The following CNTNAP5 variants were observed in gnomAD, a reference collection of about 807,000 sequenced individuals.
CNTNAP5 encodes contactin-associated protein-like 5.
Under a neutral mutation model 150.2 loss-of-function variants are expected in CNTNAP5, and 72 were observed. That is an observed-to-expected ratio of 0.48 (90% confidence interval 0.40 to 0.58). The LOEUF (loss-of-function observed/expected upper bound fraction) is 0.58, where lower values mean the gene tolerates loss of function less well. Among genes scored for constraint, CNTNAP5 ranks in the 20% least tolerant of loss-of-function variants. The pLI is 0.00. For synonymous variants in CNTNAP5, 672 were observed against 619.8 expected (o/e 1.08, Z -1.25); for missense variants, 1,636 against 1,626.2 (o/e 1.01, Z -0.10).
At chr2:124,477,297 C>A (rs1388846686) in intron 7 of CNTNAP5, among the ~76,000 whole-genome samples, 2 of 151,896 alleles carry the variant, frequency 1.3e-5, no homozygotes, top group African/African-American at 4.8e-5. Context: ...TTGTTTTATT[C>A]TTTGATAAAT....
At chr2:124,747,701 C>A (rs1421730388) in intron 14 of CNTNAP5, among the ~76,000 whole-genome samples, 1 of 144,832 alleles carries the variant, frequency 6.9e-6, no homozygotes, top group Non-Finnish European at 1.5e-5. Flanking sequence ...CTCACTGCAA[C>A]CTCCGCCTGC....
At chr2:124,607,014 G>T (rs567076712) in intron 11 of CNTNAP5, among the ~76,000 whole-genome samples, 101 of 152,274 alleles carry the variant, frequency 6.6e-4, no homozygotes, top group African/African-American at 1.3e-3. Flanking sequence ...CACTTTCTAT[G>T]TGCCATATGT....
At chr2:124,131,286 G>A (rs139738632) in intron 1 of CNTNAP5, among the ~76,000 whole-genome samples, 199 of 152,230 alleles carry the variant, frequency 1.3e-3, no homozygotes, top group Non-Finnish European at 2.3e-3. Flanking sequence ...CCATGCCCTC[G>A]TTAAGATCAC....
intron 3 of CNTNAP5, among the ~76,000 whole-genome samples, chr2:124,346,176 T>G (rs1689733279): frequency 6.6e-6 from 1 of 152,080 alleles, no homozygotes; most frequent in Non-Finnish European, 1.5e-5. Context: ...TCCAAGACGT[T>G]TTCTGGGCAG....
chr2:124,196,065 T>C lies in CNTNAP5; in HGVS notation c.83-25640T>C, dbSNP rs1685574853. On this transcript the variant is annotated intron_variant, in intron 1 of 23. Coordinates refer to ENST00000682447, the MANE Select transcript of CNTNAP5 (RefSeq NM_001367498.1). ...AAAATAAATGATACCAGGTAAAAAA[T>C]AGCAGTTTTTTTTTTCTTGATCAGG... 2.1e-5 allele frequency among the ~76,000 whole-genome samples: 3 copies of C among 146,046 alleles called. No individual in the cohort carries two copies. The South Asian group carries it at 6.4e-4, about 31-fold the overall frequency.
At chr2:124,403,106 TC>T (rs2104760554) in intron 3 of CNTNAP5, among the ~76,000 whole-genome samples, 1 of 152,366 alleles carries the variant, frequency 6.6e-6, no homozygotes, top group South Asian at 2.1e-4. Flanking sequence ...TGCTAGTTCC[TC>T]CTTAACTTTA....
chr2:124,707,088 A>G lies in CNTNAP5; in HGVS notation c.2078-40141A>G, dbSNP rs1558743579. On this transcript the variant is annotated intron_variant, in intron 13 of 23. Transcript: ENST00000682447. ...AGGAAGAGGAAGAAGAAGAAGAGGA[A>G]GAAGAAGAAGAGGAAGAAGAAGAGG... Among the ~76,000 whole-genome samples the G allele has an allele frequency of 6.2e-3, 834 of 134,644 alleles. 53 individuals are homozygous for G. Among genetic ancestry groups the G allele is most frequent in the African/African-American group, 0.024 (793 of 33,600 alleles). 88.3% of individuals were successfully genotyped at this position (134,644 alleles called of 152,430 possible).
At chr2:124,717,474 A>G (rs1249619548) in intron 13 of CNTNAP5, among the ~76,000 whole-genome samples, 1 of 152,176 alleles carries the variant, frequency 6.6e-6, no homozygotes, top group African/African-American at 2.4e-5. Context: ...AACACAGACA[A>G]TTTTAAAAGC....
In CNTNAP5 at chr2:124,474,779, C is replaced by T. The variant is rs759054995; in HGVS notation, c.959C>T (p.Thr320Ile). ...ATTCCAGTACCAGGAAAACCTGGGACCTTTTTAAAGAAAAACTTCCATGGA... is the reference window on the plus strand; with the variant it reads ...ATTCCAGTACCAGGAAAACCTGGGATCTTTTTAAAGAAAAACTTCCATGGA... Reference protein sequence around the residue: ...GGIPVPGKPGTFLKKNFHGCI... With the variant: ...GGIPVPGKPGIFLKKNFHGCI... Residue 320 changes from threonine to isoleucine, a missense_variant, in exon 7 of 24, where the codon ACC becomes ATC. Transcript: ENST00000682447. 6.3e-7 allele frequency: 1 copy of T among 1,598,900 alleles called. No homozygotes were observed. The highest frequency in any genetic ancestry group is 8.5e-7 in the Non-Finnish European group (1 of 1,173,948).
At chr2:124,888,949 T>G (rs1295939425) in intron 21 of CNTNAP5, among the ~76,000 whole-genome samples, 2 of 152,052 alleles carry the variant, frequency 1.3e-5, no homozygotes, top group Admixed American at 6.6e-5. Context: ...TTTAATTGGG[T>G]TACATTTGTC....
At chr2:124,188,444 G>A (rs1685381488) in intron 1 of CNTNAP5, among the ~76,000 whole-genome samples, 1 of 152,124 alleles carries the variant, frequency 6.6e-6, no homozygotes, top group South Asian at 2.1e-4. Flanking sequence ...AAGGGGCCGG[G>A]CGCAGTGGCT....
chr2:124,647,704 C>A (rs1344937693), intron 12 of CNTNAP5, 54 bp from the exon 13 acceptor site: 1 of 1,501,704 alleles, frequency 6.7e-7, no homozygotes, highest in East Asian at 2.4e-5. Context: ...TCACATGCTC[C>A]ATTTTTGACA....
At position 124,292,677 on chromosome 2, in the gene CNTNAP5, AAGG is replaced by A. The variant is rs201099122; in HGVS notation, c.381+50290_381+50292del. Among the ~76,000 whole-genome samples, 1,420 of 152,188 alleles carry A rather than the reference AAGG, an allele frequency of 9.3e-3. 23 individuals carry two copies. Among genetic ancestry groups the A allele is most frequent in the African/African-American group, 0.032 (1,327 of 41,572 alleles). On this transcript the variant is annotated intron_variant, in intron 3 of 23. Coordinates refer to ENST00000682447, the MANE Select transcript of CNTNAP5 (RefSeq NM_001367498.1). ...TTTTTATTAAAGAAAGATATTATAA[AAGG>A]AGGAGAAAACACTTCGCATATAAAA...
intron 3 of CNTNAP5, among the ~76,000 whole-genome samples, chr2:124,243,414 A>T (rs1386392405): frequency 1.3e-5 from 2 of 152,112 alleles, no homozygotes; most frequent in Non-Finnish European, 2.9e-5. Flanking sequence ...ACTCATTGTT[A>T]TTTGTTAATT....
intron 3 of CNTNAP5, among the ~76,000 whole-genome samples, chr2:124,263,887 C>A (rs968436276): frequency 2.0e-5 from 3 of 152,132 alleles, no homozygotes; most frequent in Non-Finnish European, 4.4e-5. Context: ...TTTCCCAGCA[C>A]CATTTATTAA....
chr2:124,590,075 T>C (rs1417886937), intron 11 of CNTNAP5, among the ~76,000 whole-genome samples: 8 of 152,058 alleles, frequency 5.3e-5, no homozygotes, highest in Non-Finnish European at 1.0e-4. Flanking sequence ...TCTCTCTCTG[T>C]CTCCCTGCCA....
intron 3 of CNTNAP5, among the ~76,000 whole-genome samples, chr2:124,348,860 T>C (rs1689802875): frequency 6.6e-6 from 1 of 152,158 alleles, no homozygotes; most frequent in Non-Finnish European, 1.5e-5. Context: ...TGTGTGCATG[T>C]GTGTGTCAAG....
intron 11 of CNTNAP5, among the ~76,000 whole-genome samples, chr2:124,564,449 G>T (rs1695966719): frequency 6.6e-6 from 1 of 152,108 alleles, no homozygotes; most frequent in Non-Finnish European, 1.5e-5. Context: ...TCCGCCTCCT[G>T]GTTTCAAGTG....
chr2:124,675,116 C>T (rs1236955219), intron 13 of CNTNAP5, among the ~76,000 whole-genome samples: 5 of 151,978 alleles, frequency 3.3e-5, no homozygotes, highest in Admixed American at 6.5e-5. Flanking sequence ...TGTCTCATTA[C>T]TTTAGGGCTC....
Sources: gnomAD v4.1 joint callset for allele counts (sites outside exome capture counted in the v4.1 genomes callset) on GRCh38, gnomAD v4.1.1 for gene constraint, MANE v1.5 for transcripts, NCBI Gene and HGNC (gene_info 2026-07-23, HGNC 2026-07-21) for gene names.